KIF13A: variants seen among roughly 807,000 people sequenced by gnomAD.
KIF13A encodes the protein kinesin family member 13A.
In KIF13A, 79 loss-of-function variants were observed where a neutral mutation model predicts 212.2. The observed-to-expected ratio is 0.37, with a 90% CI of 0.31 to 0.45. The LOEUF (loss-of-function observed/expected upper bound fraction) is 0.45. Among genes scored for constraint, KIF13A ranks in the 20% least tolerant of loss-of-function variants. The pLI is 1.00. For missense variants in KIF13A, 1,901 were observed against 2,209.0 expected (o/e 0.86, Z 2.79); for synonymous variants, 789 against 808.6 (o/e 0.98, Z 0.41).
chr6:17,987,452 G>A lies in KIF13A; in HGVS notation c.12C>T (p.Thr4=). ...GGACCCGGACGGCAACTTTTACCTT[G>A]GTATCCGACATGTTGGCTGCGCTCG... is the stretch of plus-strand genomic sequence containing the variant. MSD[T]KVKVAVRVRP... Residue 4 remains threonine (T), a synonymous_variant, in exon 1 of 39, where the codon ACC becomes ACT. Coordinates refer to ENST00000259711, the MANE Select transcript of KIF13A (RefSeq NM_022113.6). This position sits in a 1 kb window ranked among gnomAD's most constrained non-coding sequence, Gnocchi z 7.7. 1.5e-6 allele frequency: 2 copies of A among 1,327,974 alleles called. No homozygotes were observed. Among genetic ancestry groups the A allele is most frequent in the South Asian group, 1.3e-5 (1 of 77,770 alleles). 82.3% of individuals were successfully genotyped at this position (1,327,974 alleles called of 1,614,324 possible).
chr6:17,977,116 A>AC (rs1226148537), intron 2 of KIF13A, among the ~76,000 whole-genome samples: 212 of 9,586 alleles, frequency 0.022, no homozygotes, highest in African/African-American at 0.11. Context: ...AACAACAACA[A>AC]AAAAAAAAAA....
intron 34 of KIF13A, among the ~76,000 whole-genome samples, chr6:17,775,851 T>A (rs7759651): frequency 0.029 from 4,437 of 150,504 alleles, 179 homozygotes; most frequent in African/African-American, 0.091. Flanking sequence ...AAAAAAATAT[T>A]TTTTTTTTTA....
At position 17,796,812 on chromosome 6, in the gene KIF13A, C is replaced by T; in HGVS notation, c.2799G>A (p.Val933=). 1 of 1,547,540 alleles carries T rather than the reference C, an allele frequency of 6.5e-7. No individual in the cohort carries two copies. Among genetic ancestry groups the T allele is most frequent in the Non-Finnish European group, 8.7e-7 (1 of 1,144,128 alleles). Reference sequence around the variant, plus strand: ...CCAGAAATTCTTCTGTTACATTCACCACATAGTCCTGGGATAAGTGGGGGA... The same window carrying T: ...CCAGAAATTCTTCTGTTACATTCACTACATAGTCCTGGGATAAGTGGGGGA... The part of the protein sequence containing the change: ...TVTFSHCKDY[V]VNVTEEFLEF... Residue 933 remains valine (V), a synonymous_variant, in exon 23 of 39, where the codon GTG becomes GTA. Transcript: ENST00000259711.
chr6:17,792,505 C>G (rs545470233), intron 25 of KIF13A, among the ~76,000 whole-genome samples: 3 of 152,250 alleles, frequency 2.0e-5, no homozygotes, highest in Non-Finnish European at 2.9e-5. Flanking sequence ...TTCCTGACTC[C>G]CAGTCTAGTG....
At chr6:17,869,489 A>G (rs557123855) in intron 4 of KIF13A, among the ~76,000 whole-genome samples, 1 of 152,296 alleles carries the variant, frequency 6.6e-6, no homozygotes, top group African/African-American at 2.4e-5. Context: ...ATCCTTATTT[A>G]CCATATGAGG....
intron 20 of KIF13A, among the ~76,000 whole-genome samples, chr6:17,801,595 T>A (rs1313166289): frequency 2.0e-5 from 3 of 152,184 alleles, no homozygotes; most frequent in Non-Finnish European, 4.4e-5. Flanking sequence ...GTGCGAGTTG[T>A]TATGGGATAA....
At chr6:17,909,311 G>A (rs370110701) in intron 2 of KIF13A, among the ~76,000 whole-genome samples, 4 of 151,566 alleles carry the variant, frequency 2.6e-5, no homozygotes, top group East Asian at 2.0e-4. Context: ...CGAGGCGGGT[G>A]GATCAACTGA....
chr6:17,845,670 G>A (rs1456165610), intron 9 of KIF13A, among the ~76,000 whole-genome samples: 6 of 152,216 alleles, frequency 3.9e-5, no homozygotes, highest in African/African-American at 1.4e-4. Flanking sequence ...GCAATTACAA[G>A]GAAAAGGCTT....
intron 9 of KIF13A, among the ~76,000 whole-genome samples, chr6:17,848,285 T>G (rs1012283108): frequency 6.6e-6 from 1 of 152,170 alleles, no homozygotes; most frequent in Non-Finnish European, 1.5e-5. Flanking sequence ...TCCTAGCTAT[T>G]TGAAAATATA....
At chr6:17,802,293 C>CTT (rs577749171) in intron 20 of KIF13A, among the ~76,000 whole-genome samples, 4 of 140,774 alleles carry the variant, frequency 2.8e-5, no homozygotes, top group Non-Finnish European at 3.1e-5. Context: ...TGTTCTTAAG[C>CTT]TTTTTTTTTT....
In KIF13A at chr6:17,776,956, G is replaced by A. The variant is rs1275315534; in HGVS notation, c.4170+321C>T. On this transcript the variant is annotated intron_variant, in intron 34 of 38. Transcript: ENST00000259711. This position sits in a 1 kb window ranked among gnomAD's most constrained non-coding sequence, Gnocchi z 4.6. ...AATGGGCACAAAAACTGACCCTGGA[G>A]CAGCCAGCGTCCAGGGACTCGGGTG... 6.6e-6 allele frequency among the ~76,000 whole-genome samples: 1 copy of A among 152,206 alleles called. No homozygotes were observed. The highest frequency in any genetic ancestry group is 6.5e-5 in the Admixed American group (1 of 15,278).
rs1281928299 is a variant in KIF13A, at chr6:17,764,657, G to A, written c.4871C>T (p.Ala1624Val). The A allele has an allele frequency of 1.9e-6, 3 of 1,613,862 alleles. No homozygotes were observed. Among genetic ancestry groups the A allele is most frequent in the East Asian group, 4.5e-5 (2 of 44,878 alleles). ...VPSSDSSDQL[A>V]IQTKDADSTE... is the part of the protein sequence containing the mutation. ...GGAGTCTGCATCCTTCGTCTGAATG[G>A]CCAGCTGGTCTGAGCTGTCACTAGA... The change falls in exon 39 of 39, where the codon GCC becomes GTC. Residue 1624 changes from alanine (A) to valine (V), a missense_variant. Physicochemically the swap from Ala to Val is moderately conservative, Grantham distance 64 (BLOSUM62 0). This residue lies in a region of KIF13A where 687 missense variants were observed against 759.1 expected (regional missense o/e 0.90). Coordinates refer to ENST00000259711, the MANE Select transcript of KIF13A (RefSeq NM_022113.6). The surrounding 1 kb of genome is among the most constrained non-coding windows in gnomAD (Gnocchi z 5.1).
At chr6:17,980,652 G>GA (rs879646306) in intron 2 of KIF13A, among the ~76,000 whole-genome samples, 184 of 151,010 alleles carry the variant, frequency 1.2e-3, no homozygotes, top group Admixed American at 3.5e-3. Flanking sequence ...TAAGTACACA[G>GA]AAAAAAAAGC....
intron 2 of KIF13A, among the ~76,000 whole-genome samples, chr6:17,976,426 C>A (rs901888197): frequency 2.0e-5 from 3 of 152,246 alleles, no homozygotes; most frequent in African/African-American, 7.2e-5. Flanking sequence ...AGCCGCTGGC[C>A]CGGGTGCTAA....
Position 17,772,773 on chromosome 6 carries a change from A to C in KIF13A, c.4324+705T>G, listed in dbSNP as rs926531100. On this transcript the variant is annotated intron_variant, in intron 36 of 38. Transcript: ENST00000259711. The surrounding 1 kb of genome is among the most constrained non-coding windows in gnomAD (Gnocchi z 4.8). The stretch of plus-strand genomic sequence containing the variant: ...GTAGAGGCTCAATAAATATTCAATG[A>C]ATTAATACTGTGTAAATTTTCTTGC... Among the ~76,000 whole-genome samples the C allele has an allele frequency of 6.6e-6, 1 of 151,658 alleles. No individual in the cohort carries two copies. Among genetic ancestry groups the C allele is most frequent in the Non-Finnish European group, 1.5e-5 (1 of 67,894 alleles).
rs1328027921 is a variant in KIF13A, at chr6:17,787,749, C to T, written c.3361+27G>A. On this transcript the variant is annotated intron_variant, in intron 27 of 38. Transcript: ENST00000259711. This position sits in a 1 kb window ranked among gnomAD's most constrained non-coding sequence, Gnocchi z 4.6. Reference sequence around the variant, plus strand: ...TTGTGTAAAAGTGAAAAAGCTACTCCCCATAAAAGAGTTTGATCTCACATA... The same window carrying T: ...TTGTGTAAAAGTGAAAAAGCTACTCTCCATAAAAGAGTTTGATCTCACATA... 1 of 1,317,934 alleles carries T rather than the reference C, an allele frequency of 7.6e-7. No homozygotes were observed. The highest frequency in any genetic ancestry group is 1.1e-6 in the Non-Finnish European group (1 of 910,412). The allele number at this position is 1,317,934 out of a possible 1,614,324, so 81.6% of individuals were successfully genotyped here.
chr6:17,887,818 C>T (rs1287723075), intron 3 of KIF13A, among the ~76,000 whole-genome samples: 1 of 151,846 alleles, frequency 6.6e-6, no homozygotes, highest in Non-Finnish European at 1.5e-5. Flanking sequence ...CTCAGCCTCC[C>T]GAGTAGCTGG....
rs1561785103 is a variant in KIF13A, at chr6:17,940,813, A to ATT, written c.147-42635_147-42634dup. On this transcript the variant is annotated intron_variant, in intron 2 of 38. Coordinates refer to ENST00000259711, the MANE Select transcript of KIF13A (RefSeq NM_022113.6). ...ATTAGTTAGGACTTAACACATGTAA[A>ATT]TTTATTTTTTTTTTTTTTTTTTTTT... 1.3e-3 allele frequency among the ~76,000 whole-genome samples: 72 copies of ATT among 55,934 alleles called. 1 individual carries two copies. The highest frequency in any genetic ancestry group is 4.7e-3 in the African/African-American group (70 of 15,036). The allele number at this position is 55,934 out of a possible 152,430, so 36.7% of individuals were successfully genotyped here. A position where few individuals can be genotyped will look rare whatever the true frequency, so the allele number is the denominator to read the frequency against.
In KIF13A at chr6:17,947,792, G is replaced by C. The variant is rs376213556; in HGVS notation, c.146+39262C>G. ...AGAAGTGGAGGTTGCAGTGAGCCGA[G>C]ATTGCGCCATTGCGCTCCAGCCTGT... On this transcript the variant is annotated intron_variant, in intron 2 of 38. Transcript: ENST00000259711. The surrounding 1 kb of genome is among the most constrained non-coding windows in gnomAD (Gnocchi z 4.6). 2.0e-5 allele frequency among the ~76,000 whole-genome samples: 3 copies of C among 152,170 alleles called. No individual in the cohort carries two copies. Among genetic ancestry groups the C allele is most frequent in the Non-Finnish European group, 4.4e-5 (3 of 68,008 alleles).
Sources: allele counts gnomAD v4.1 joint callset (sites outside exome capture counted in the v4.1 genomes callset), GRCh38; gene constraint gnomAD v4.1.1; regional missense constraint gnomAD v4.1.1; non-coding constraint Gnocchi (gnomAD v3.1); transcripts MANE v1.5; gene names NCBI Gene and HGNC (gene_info 2026-07-23, HGNC 2026-07-21).